Variants in CORO1C observed in about 807,000 individuals in gnomAD.
CORO1C encodes the protein coronin 1C, also known as coronin-1C.
In CORO1C, 14 loss-of-function variants were observed where a neutral mutation model predicts 51.2. The ratio of observed to expected loss-of-function variants is 0.27; its 90% confidence interval spans 0.18 to 0.43. The LOEUF is 0.43. Among genes scored for constraint, CORO1C ranks in the 20% least tolerant of loss-of-function variants. CORO1C has a pLI of 1.00. For synonymous variants in CORO1C, 181 were observed against 210.5 expected (o/e 0.86, Z 1.21); for missense variants, 417 against 607.8 (o/e 0.69, Z 3.30).
intron 1 of CORO1C, among the ~76,000 whole-genome samples, chr12:108,706,198 A>AAC (rs1555221887): frequency 1.3e-5 from 2 of 150,958 alleles, no homozygotes; most frequent in Non-Finnish European, 2.9e-5. Flanking sequence ...AAAAAAAACA[A>AAC]AAAAAACAAA....
At chr12:108,704,867 A>G (rs1024397409) in intron 1 of CORO1C, among the ~76,000 whole-genome samples, 4 of 152,258 alleles carry the variant, frequency 2.6e-5, no homozygotes, top group Non-Finnish European at 4.4e-5. Flanking sequence ...GCCGTGGTAC[A>G]GTACAGCAAG....
chr12:108,683,759 C>CT (rs2034205168), intron 2 of CORO1C, among the ~76,000 whole-genome samples: 2 of 152,104 alleles, frequency 1.3e-5, no homozygotes, highest in Admixed American at 1.3e-4. Context: ...CCCAATCAAT[C>CT]AATCAATCAG....
intron 1 of CORO1C, among the ~76,000 whole-genome samples, chr12:108,710,950 CAGAGAAAAT>C (rs1246095244): frequency 7.2e-5 from 11 of 152,116 alleles, no homozygotes; most frequent in Admixed American, 1.3e-4. Flanking sequence ...CTTTATGTGT[CAGAGAAAAT>C]TTGTACTCTT....
rs1248600245 is a variant in CORO1C at position 108,652,317 on chromosome 12, T to C, written c.956A>G (p.Tyr319Cys). 1.2e-6 allele frequency: 2 copies of C among 1,614,140 alleles called. No homozygotes were observed. The highest frequency in any genetic ancestry group is 2.2e-5 in the South Asian group (2 of 91,068). The change falls in exon 8 of 11, where the codon TAC becomes TGC. Residue 319 changes from tyrosine (Y) to cysteine (C), a missense_variant. Tyr to Cys is a radical substitution (Grantham distance 194). Coordinates refer to ENST00000261401, the MANE Select transcript of CORO1C (RefSeq NM_014325.4). ...SSKEPQRGMGYMPKRGLDVNK... is the reference protein window; with the variant it reads ...SSKEPQRGMGCMPKRGLDVNK... The stretch of plus-strand genomic sequence containing the variant: ...AACATCAAGTCCCCTCTTGGGCATG[T>C]AACCCATCCCTCTCTGAGGCTCCTT...
At chr12:108,667,415 G>A (rs1260745410) in intron 3 of CORO1C, among the ~76,000 whole-genome samples, 2 of 152,224 alleles carry the variant, frequency 1.3e-5, no homozygotes, top group East Asian at 3.8e-4. Context: ...AGTGAGTGCA[G>A]AGGAAAACAG....
chr12:108,706,050 G>C (rs1220983431), intron 1 of CORO1C, among the ~76,000 whole-genome samples: 1 of 151,966 alleles, frequency 6.6e-6, no homozygotes, highest in Non-Finnish European at 1.5e-5. Flanking sequence ...AGCCAGGCAT[G>C]GTGGTGGGCA....
At chr12:108,684,812 G>T (rs965435899) in intron 2 of CORO1C, among the ~76,000 whole-genome samples, 1 of 151,898 alleles carries the variant, frequency 6.6e-6, no homozygotes, top group Non-Finnish European at 1.5e-5. Flanking sequence ...TTGAAAAAAA[G>T]AATTTAAAAT....
intron 10 of CORO1C, among the ~76,000 whole-genome samples, chr12:108,648,084 T>C (rs914436836): frequency 6.6e-6 from 1 of 152,042 alleles, no homozygotes; most frequent in African/African-American, 2.4e-5. Flanking sequence ...TGATTCCCAA[T>C]TCCCCACCCA....
At chr12:108,729,039 G>A (rs1389887155) in intron 1 of CORO1C, among the ~76,000 whole-genome samples, 1 of 152,158 alleles carries the variant, frequency 6.6e-6, no homozygotes, top group African/African-American at 2.4e-5. Context: ...ACCAGTTTGT[G>A]ACAAATCAAA....
At chr12:108,689,653 C>T (rs1239595647) in intron 2 of CORO1C, among the ~76,000 whole-genome samples, 1 of 152,174 alleles carries the variant, frequency 6.6e-6, no homozygotes, top group African/African-American at 2.4e-5. Context: ...GAGCCCCCAC[C>T]CCATCCTGGG....
chr12:108,724,133 C>T (rs1465289716), intron 1 of CORO1C, among the ~76,000 whole-genome samples: 5 of 152,136 alleles, frequency 3.3e-5, no homozygotes, highest in African/African-American at 1.2e-4. Context: ...ACATGCACAA[C>T]CTGAATATGT....
In CORO1C at chr12:108,648,764, A is replaced by G. The variant is rs1272153455; in HGVS notation, c.1146T>C (p.Asn382=). The G allele has an allele frequency of 1.2e-6, 2 of 1,614,178 alleles. No homozygotes were observed. Among genetic ancestry groups the G allele is most frequent in the Non-Finnish European group, 8.5e-7 (1 of 1,180,034 alleles). The change falls in exon 10 of 11, where the codon AAT becomes AAC. Residue 382 remains asparagine, a synonymous_variant. Transcript: ENST00000261401. ...LEAEEWFEGK[N]ADPILISLKH... is the part of the protein sequence containing the mutation. ...TCAAGGAGATGAGGATTGGGTCTGC[A>G]TTCTTGCCTTCGAACCACTCTTCTG...
intron 1 of CORO1C, among the ~76,000 whole-genome samples, chr12:108,717,369 G>A (rs2035364312): frequency 6.6e-6 from 1 of 152,220 alleles, no homozygotes; most frequent in Non-Finnish European, 1.5e-5. Flanking sequence ...ATCTGTACTT[G>A]CAGTCTTGGG....
intron 2 of CORO1C, among the ~76,000 whole-genome samples, chr12:108,691,679 G>A (rs1029241188): frequency 1.3e-5 from 2 of 152,208 alleles, no homozygotes; most frequent in African/African-American, 2.4e-5. Context: ...TATCCTGGCC[G>A]GCTGACAGCC....
intron 3 of CORO1C, among the ~76,000 whole-genome samples, chr12:108,668,900 TTAGG>T (rs2136821662): frequency 6.6e-6 from 1 of 152,336 alleles, no homozygotes; most frequent in East Asian, 1.9e-4. Flanking sequence ...AGTAAAATAC[TTAGG>T]TAGCCACAAT....
intron 2 of CORO1C, among the ~76,000 whole-genome samples, chr12:108,679,773 T>A (rs2034058147): frequency 6.6e-6 from 1 of 152,208 alleles, no homozygotes; most frequent in Non-Finnish European, 1.5e-5. Flanking sequence ...AGGGTTCAAA[T>A]CCAGGCTCTA....
At chr12:108,660,473 A>T (rs1167449573) in intron 4 of CORO1C, among the ~76,000 whole-genome samples, 2 of 143,966 alleles carry the variant, frequency 1.4e-5, no homozygotes, top group Non-Finnish European at 1.5e-5. Context: ...AAAAAAAAAA[A>T]GAAGTAGGAA....
chr12:108,721,633 T>G lies in CORO1C; in HGVS notation c.-6+9796A>C, dbSNP rs192054742. ...AATATATTTTGCATCATAAAATGTTTGAATGAAAAGAGTTCTTTGAAACCA... is the reference window on the plus strand; with the variant it reads ...AATATATTTTGCATCATAAAATGTTGGAATGAAAAGAGTTCTTTGAAACCA... On this transcript the variant is annotated intron_variant, in intron 1 of 10. Coordinates refer to ENST00000261401, the MANE Select transcript of CORO1C (RefSeq NM_014325.4). 1.1e-4 allele frequency among the ~76,000 whole-genome samples: 16 copies of G among 152,376 alleles called. No homozygotes were observed. In the East Asian group the frequency reaches 2.9e-3, roughly 28 times the overall value.
At chr12:108,721,562 T>C (rs945796316) in intron 1 of CORO1C, among the ~76,000 whole-genome samples, 2 of 152,212 alleles carry the variant, frequency 1.3e-5, no homozygotes, top group Non-Finnish European at 2.9e-5. Context: ...CCATAAGACT[T>C]TGTGAATACG....
Sources: allele counts gnomAD v4.1 joint callset (sites outside exome capture counted in the v4.1 genomes callset), GRCh38; gene constraint gnomAD v4.1.1; transcripts MANE v1.5; gene names NCBI Gene and HGNC (gene_info 2026-07-23, HGNC 2026-07-21).